The following RIMBP2 variants were observed in gnomAD, a reference collection of about 807,000 sequenced individuals.
RIMBP2 encodes RIMS binding protein 2.
In RIMBP2, 48 loss-of-function variants were observed where a neutral mutation model predicts 118.6. The ratio of observed to expected loss-of-function variants is 0.40; its 90% CI spans 0.32 to 0.51. The LOEUF is 0.51. Among genes scored for constraint, RIMBP2 ranks in the 20% least tolerant of loss-of-function variants. The probability of loss-of-function intolerance (pLI) is 0.41; values close to 1 mark genes in which losing one functional copy is unlikely to be tolerated. For synonymous variants in RIMBP2, 762 were observed against 742.9 expected, an observed-to-expected ratio of 1.03 and a Z score of -0.42; for missense variants, 1,551 against 1,768.3, an observed-to-expected ratio of 0.88 and a Z score of 2.20.
chr12:130,403,111 T>C (rs1034173025), intron 21 of RIMBP2, among the ~76,000 whole-genome samples: 2 of 152,008 alleles, frequency 1.3e-5, no homozygotes, highest in Non-Finnish European at 2.9e-5. Flanking sequence ...ACCGGTGGAG[T>C]ATTTGAATTC....
chr12:130,670,106 G>C lies in RIMBP2; in HGVS notation c.-351-41650C>G, dbSNP rs1472323543. The stretch of plus-strand genomic sequence containing the variant: ...GCACACAGATACACAGAAGAGGAGA[G>C]GGTAATGTGACCCCGGGGGCAGACA... On this transcript the variant is annotated intron_variant, in intron 1 of 22. Transcript: ENST00000690449. The surrounding 1 kb of genome is among the most constrained non-coding windows in gnomAD (Gnocchi z 4.9). 2.0e-5 allele frequency among the ~76,000 whole-genome samples: 3 copies of C among 152,064 alleles called. No homozygotes were observed. The highest frequency in any genetic ancestry group is 4.4e-5 in the Non-Finnish European group (3 of 68,024).
intron 2 of RIMBP2, among the ~76,000 whole-genome samples, chr12:130,565,530 GGATACACAT>G (rs2057154354): frequency 1.3e-5 from 2 of 152,136 alleles, no homozygotes; most frequent in African/African-American, 4.8e-5. Flanking sequence ...TCAATTAAGT[GGATACACAT>G]GTGGTTGCTT....
At chr12:130,627,618 C>T (rs1251194772) in intron 2 of RIMBP2, among the ~76,000 whole-genome samples, 39 of 152,166 alleles carry the variant, frequency 2.6e-4, no homozygotes, top group Admixed American at 2.3e-3. Context: ...CACACTTCTA[C>T]TGCTCTCTCA....
intron 1 of RIMBP2, among the ~76,000 whole-genome samples, chr12:130,712,997 T>A (rs1452358985): frequency 6.7e-6 from 1 of 149,850 alleles, no homozygotes; most frequent in East Asian, 2.0e-4. Context: ...CGTGGCCCAG[T>A]GGTGGACACA....
intron 2 of RIMBP2, among the ~76,000 whole-genome samples, chr12:130,559,243 C>T (rs1425224109): frequency 6.6e-6 from 1 of 152,146 alleles, no homozygotes; most frequent in African/African-American, 2.4e-5. Context: ...CCATGTTGCA[C>T]AGGCAGTTCT....
chr12:130,400,707 GA>G (rs1239365413), intron 21 of RIMBP2, among the ~76,000 whole-genome samples: 2 of 152,184 alleles, frequency 1.3e-5, no homozygotes, highest in African/African-American at 4.8e-5. Context: ...TGGAATGGGA[GA>G]AAATGTCTGC....
intron 1 of RIMBP2, among the ~76,000 whole-genome samples, chr12:130,656,218 G>A (rs1362413651): frequency 6.6e-6 from 1 of 152,100 alleles, no homozygotes; most frequent in Non-Finnish European, 1.5e-5. Context: ...AGGGGTTGGG[G>A]GACCCGGCAA....
chr12:130,516,540 G>A (rs374827821), intron 3 of RIMBP2, among the ~76,000 whole-genome samples: 31 of 152,364 alleles, frequency 2.0e-4, no homozygotes, highest in African/African-American at 7.0e-4. Flanking sequence ...AGAAAAAAGG[G>A]ATGGAGGGAG....
chr12:130,479,042 T>C, intron 4 of RIMBP2, 26 bp from the exon 5 acceptor site: 1 of 1,594,052 alleles, frequency 6.3e-7, no homozygotes, highest in East Asian at 2.2e-5. Context: ...GAGGCCTGGC[T>C]GAGCAGGGCA....
At chr12:130,483,071 C>T (rs113382909) in intron 4 of RIMBP2, among the ~76,000 whole-genome samples, 58 of 49,740 alleles carry the variant, frequency 1.2e-3, no homozygotes, top group African/African-American at 4.3e-3. Context: ...GTACATGTGT[C>T]AGATTCTGCA....
intron 2 of RIMBP2, among the ~76,000 whole-genome samples, chr12:130,584,715 C>CATCATCATCACCTTCATCACT (rs2058762537): frequency 9.5e-6 from 1 of 105,810 alleles, no homozygotes; most frequent in Non-Finnish European, 2.2e-5. Flanking sequence ...ACAACCATTA[C>CATCATCATCACCTTCATCACT]ATCATCACTA....
chr12:130,698,142 C>G (rs1195234726), intron 1 of RIMBP2, among the ~76,000 whole-genome samples: 4 of 152,084 alleles, frequency 2.6e-5, no homozygotes, highest in African/African-American at 9.7e-5. Context: ...GGAGGGGAAC[C>G]AGGAGGCAGC....
intron 2 of RIMBP2, among the ~76,000 whole-genome samples, chr12:130,527,901 A>G (rs1175093314): frequency 6.6e-6 from 1 of 152,234 alleles, no homozygotes; most frequent in Non-Finnish European, 1.5e-5. Context: ...ATACCATCTC[A>G]TAACAGTCAG....
At chr12:130,546,498 G>A (rs369591066) in intron 2 of RIMBP2, among the ~76,000 whole-genome samples, 141 of 152,206 alleles carry the variant, frequency 9.3e-4, no homozygotes, top group African/African-American at 3.0e-3. Context: ...GTTTTGCCGT[G>A]TTGGCCAGGC....
At chr12:130,535,988 C>A (rs1298093189) in intron 2 of RIMBP2, among the ~76,000 whole-genome samples, 1 of 151,770 alleles carries the variant, frequency 6.6e-6, no homozygotes, top group Admixed American at 6.6e-5. Context: ...GGGGTTTCAC[C>A]AAGTTGCCCA....
chr12:130,619,282 G>T (rs534137268), intron 2 of RIMBP2, among the ~76,000 whole-genome samples: 1 of 152,272 alleles, frequency 6.6e-6, no homozygotes, highest in African/African-American at 2.4e-5. Context: ...GACCACAAAC[G>T]CACACGATTT....
At chr12:130,449,413 T>A (rs1413810334) in intron 9 of RIMBP2, among the ~76,000 whole-genome samples, 1 of 152,178 alleles carries the variant, frequency 6.6e-6, no homozygotes, top group Non-Finnish European at 1.5e-5. Flanking sequence ...TCATTACCTC[T>A]CAGCGAGCAC....
At chr12:130,490,715 G>A (rs551785729) in intron 4 of RIMBP2, among the ~76,000 whole-genome samples, 2 of 152,278 alleles carry the variant, frequency 1.3e-5, no homozygotes, top group South Asian at 2.1e-4. Context: ...AAATAATCTC[G>A]TCTGCAGGGC....
chr12:130,566,691 A>C (rs2057244936), intron 2 of RIMBP2, among the ~76,000 whole-genome samples: 1 of 152,210 alleles, frequency 6.6e-6, no homozygotes, highest in South Asian at 2.1e-4. Context: ...TTGACTGCAC[A>C]TCTCGTGAGA....
Sources: allele counts gnomAD v4.1 joint callset (sites outside exome capture counted in the v4.1 genomes callset), GRCh38; gene constraint gnomAD v4.1.1; non-coding constraint Gnocchi (gnomAD v3.1); transcripts MANE v1.5; gene names NCBI Gene and HGNC (gene_info 2026-07-23, HGNC 2026-07-21).